Variants in TBC1D10A observed in about 807,000 individuals in gnomAD.
The protein encoded by TBC1D10A is EBP50-PDX interactor of 64 kDa.
In TBC1D10A, 24 loss-of-function variants were observed where a neutral mutation model predicts 52.9. The ratio of observed to expected loss-of-function variants is 0.45; its 90% CI spans 0.33 to 0.64. TBC1D10A has a LOEUF of 0.64. TBC1D10A is among the 30% of genes least tolerant of loss of function. TBC1D10A has a pLI of 0.02. For missense variants in TBC1D10A, 602 were observed against 687.9 expected, an observed-to-expected ratio of 0.88 and a Z score of 1.40; for synonymous variants, 278 against 282.9, an observed-to-expected ratio of 0.98 and a Z score of 0.17.
chr22:30,307,925 G>C (rs1277028012), intron 1 of TBC1D10A: 1 of 152,144 alleles, frequency 6.6e-6, no homozygotes. Context: ...CTCCCGAGTA[G>C]CTGGGATTAC....
chr22:30,311,451 TGA>T (rs1362825369), intron 1 of TBC1D10A, among the ~76,000 whole-genome samples: 2 of 152,160 alleles, frequency 1.3e-5, no homozygotes, highest in African/African-American at 2.4e-5. Context: ...CCTGTCTGAG[TGA>T]GAGAGTCTGG....
chr22:30,302,878 A>G (rs1930230761), intron 2 of TBC1D10A, among the ~76,000 whole-genome samples: 1 of 152,232 alleles, frequency 6.6e-6, no homozygotes. Flanking sequence ...AGATTGCTGG[A>G]GAGCAAGCTA....
rs536547173 is a variant in TBC1D10A, at chr22:30,301,676, G to A, written c.310-2125C>T. Among the ~76,000 whole-genome samples, 203 of 152,290 alleles carry A rather than the reference G, an allele frequency of 1.3e-3. 1 individual carries two copies. Among genetic ancestry groups the A allele is most frequent in the African/African-American group, 4.7e-3 (196 of 41,562 alleles). ...GGAAGCTCTCAGAGGAGGGAGTACA[G>A]AAGCCCTGGCCTTCCTGGGGACCAG... On this transcript the variant is annotated intron_variant, in intron 2 of 8. Transcript: ENST00000215790.
intron 1 of TBC1D10A, among the ~76,000 whole-genome samples, chr22:30,318,493 C>T (rs1016795005): frequency 6.6e-6 from 1 of 152,210 alleles, no homozygotes; most frequent in African/African-American, 2.4e-5. Flanking sequence ...GCCAGCCATA[C>T]CAGGCACCTT....
chr22:30,322,162 G>A (rs1476909663), intron 1 of TBC1D10A, among the ~76,000 whole-genome samples: 1 of 151,978 alleles, frequency 6.6e-6, no homozygotes, highest in Non-Finnish European at 1.5e-5. Flanking sequence ...TGTATTTTTA[G>A]TAGAGACGGG....
chr22:30,313,225 G>A (rs1930461117), intron 1 of TBC1D10A, among the ~76,000 whole-genome samples: 1 of 152,150 alleles, frequency 6.6e-6, no homozygotes, highest in Non-Finnish European at 1.5e-5. Context: ...TCCACCTAAG[G>A]GCTGTTCTGC....
intron 1 of TBC1D10A, chr22:30,318,565 G>T: frequency 2.1e-6 from 1 of 468,874 alleles, no homozygotes; most frequent in Non-Finnish European, 4.4e-6. Flanking sequence ...TCAGAGGAAG[G>T]CCACAGCTGG....
chr22:30,323,342 T>C (rs1930697953), intron 1 of TBC1D10A, among the ~76,000 whole-genome samples: 2 of 152,218 alleles, frequency 1.3e-5, no homozygotes. Flanking sequence ...AATGACAACA[T>C]ATTCTTATCC....
chr22:30,299,386 A>G, intron 3 of TBC1D10A, 58 bp downstream of exon 3: 1 of 1,551,520 alleles, frequency 6.4e-7, no homozygotes, highest in Non-Finnish European at 8.9e-7. Context: ...GATTGCCGCC[A>G]TGGGGAGGAC....
chr22:30,317,774 T>C (rs1930569603), intron 1 of TBC1D10A, among the ~76,000 whole-genome samples: 1 of 152,188 alleles, frequency 6.6e-6, no homozygotes, highest in African/African-American at 2.4e-5. Context: ...AGCTAATTTA[T>C]TTTTTAGAGA....
intron 2 of TBC1D10A, among the ~76,000 whole-genome samples, chr22:30,299,973 A>G (rs913129240): frequency 1.3e-5 from 2 of 151,944 alleles, no homozygotes; most frequent in African/African-American, 4.8e-5. Flanking sequence ...CTCAAAAAAA[A>G]AAAAAGGACT....
chr22:30,293,467 C>G lies in TBC1D10A; in HGVS notation c.1050+184G>C, dbSNP rs1323306937. Reference sequence around the variant, plus strand: ...ATCCAGAAGGCCCTGCAGAGCCAAGCCTCTCTGTGCCCCATGCTCTTCACC... The same window carrying G: ...ATCCAGAAGGCCCTGCAGAGCCAAGGCTCTCTGTGCCCCATGCTCTTCACC... On this transcript the variant is annotated intron_variant, in intron 8 of 8. Transcript: ENST00000215790. The G allele has an allele frequency of 1.5e-5, 14 of 938,740 alleles. No individual in the cohort carries two copies. In the East Asian group the frequency reaches 2.9e-4, roughly 19 times the overall value. 58.2% of individuals were successfully genotyped at this position (938,740 alleles called of 1,614,324 possible).
Position 30,293,641 on chromosome 22 carries a change from T to C in TBC1D10A, c.1050+10A>G, listed in dbSNP as rs755566709. The C allele has an allele frequency of 1.0e-5, 16 of 1,601,352 alleles. No individual in the cohort carries two copies. The Admixed American group carries it at 2.4e-4, about 24-fold the overall frequency. ...CCCTCCCCATGATAAGGGGCAGGCATGGGCTGTACCTCCTGGACCAGAAAG... is the reference window on the plus strand; with the variant it reads ...CCCTCCCCATGATAAGGGGCAGGCACGGGCTGTACCTCCTGGACCAGAAAG... On this transcript the variant is annotated intron_variant, in intron 8 of 8. Transcript: ENST00000215790.
At chr22:30,323,844 T>A (rs1423530575) in intron 1 of TBC1D10A, among the ~76,000 whole-genome samples, 1 of 151,898 alleles carries the variant, frequency 6.6e-6, no homozygotes, top group East Asian at 1.9e-4. Flanking sequence ...ATGGGTGCAA[T>A]CTCTGCCTCC....
chr22:30,317,082 T>G (rs1486712353), intron 1 of TBC1D10A, among the ~76,000 whole-genome samples: 2 of 151,942 alleles, frequency 1.3e-5, no homozygotes. Context: ...AACTGCGTAG[T>G]TTTTATGTGG....
At chr22:30,318,925 C>CT (rs1930593989) in intron 1 of TBC1D10A, 12 of 348,970 alleles carry the variant, frequency 3.4e-5, no homozygotes, top group South Asian at 1.7e-4. Context: ...CCTGGACTAA[C>CT]TTTTATGCAA....
intron 1 of TBC1D10A, among the ~76,000 whole-genome samples, chr22:30,307,112 G>T (rs1172701407): frequency 6.6e-6 from 1 of 152,098 alleles, no homozygotes; most frequent in Non-Finnish European, 1.5e-5. Context: ...GATGAAGCTG[G>T]GGCCAGAGGG....
chr22:30,292,686 G>T lies in TBC1D10A; in HGVS notation c.1216C>A (p.Pro406Thr). 6.2e-7 allele frequency: 1 copy of T among 1,608,868 alleles called. No individual in the cohort carries two copies. Among genetic ancestry groups the T allele is most frequent in the South Asian group, 1.1e-5 (1 of 90,702 alleles). Residue 406 changes from proline (P) to threonine (T), a missense_variant, in exon 9 of 9, where the codon CCT becomes ACT. Pro to Thr is a conservative substitution (Grantham distance 38). Transcript: ENST00000215790. The part of the protein sequence containing the change: ...AEPGPRPALQ[P>T]SPSIRLPLDA... ...AGGGGCAGGCGGATGGATGGTGAAG[G>T]TTGTAGGGCAGGCCGGGGACCAGGT...
chr22:30,322,633 C>A (rs1404904885), intron 1 of TBC1D10A, among the ~76,000 whole-genome samples: 1 of 115,566 alleles, frequency 8.7e-6, no homozygotes, highest in African/African-American at 3.3e-5. Context: ...TAGGCAAGGT[C>A]TCCCAGGCTG....
Sources: allele counts gnomAD v4.1 joint callset (sites outside exome capture counted in the v4.1 genomes callset), GRCh38; gene constraint gnomAD v4.1.1; transcripts MANE v1.5; gene names NCBI Gene and HGNC (gene_info 2026-07-23, HGNC 2026-07-21).